Variants in CAPZA1 observed in about 807,000 individuals in gnomAD.
CAPZA1 encodes F-actin-capping protein subunit alpha-1.
In CAPZA1, 10 loss-of-function variants were observed where a neutral mutation model predicts 40.8. That is an observed-to-expected ratio of 0.25 (90% CI 0.15 to 0.42). CAPZA1 has a LOEUF of 0.42. Among genes scored for constraint, CAPZA1 ranks in the 10% least tolerant of loss-of-function variants. The pLI is 1.00. For synonymous variants in CAPZA1, 98 were observed against 115.0 expected, an observed-to-expected ratio of 0.85 and a Z score of 0.95; for missense variants, 277 against 353.8, an observed-to-expected ratio of 0.78 and a Z score of 1.74.
chr1:112,669,895 G>A (rs1671796891), intron 9 of CAPZA1, 97 bp from the exon 10 acceptor site: 4 of 1,319,104 alleles, frequency 3.0e-6, no homozygotes, highest in Non-Finnish European at 4.3e-6. Flanking sequence ...ATCCTTCACA[G>A]GGGACTCAAG....
At chr1:112,648,963 C>CAAAAA (rs34641909) in intron 2 of CAPZA1, among the ~76,000 whole-genome samples, 4 of 132,806 alleles carry the variant, frequency 3.0e-5, no homozygotes, top group African/African-American at 1.1e-4. Context: ...GACTTCGTCT[C>CAAAAA]AAAAAAAAAA....
intron 1 of CAPZA1, among the ~76,000 whole-genome samples, chr1:112,632,696 A>G (rs1033467157): frequency 1.3e-5 from 2 of 152,240 alleles, no homozygotes; most frequent in Non-Finnish European, 2.9e-5. Context: ...TGTTTAAGAC[A>G]TACCAGAAAA....
intron 1 of CAPZA1, among the ~76,000 whole-genome samples, chr1:112,641,559 A>AT (rs201301514): frequency 1.3e-4 from 19 of 150,308 alleles, no homozygotes; most frequent in South Asian, 8.4e-4. Context: ...TAAAAACTGA[A>AT]TTTTTTTTTT....
At chr1:112,624,021 G>A (rs55718535) in intron 1 of CAPZA1, among the ~76,000 whole-genome samples, 98,108 of 128,470 alleles carry the variant, frequency 0.76, 37,661 homozygotes, top group South Asian at 0.87. Flanking sequence ...AAAAAAAAAA[G>A]AAAAAAGAAA....
intron 3 of CAPZA1, among the ~76,000 whole-genome samples, chr1:112,651,833 T>C (rs1276091497): frequency 6.6e-6 from 1 of 152,140 alleles, no homozygotes; most frequent in African/African-American, 2.4e-5. Flanking sequence ...TAATAACTTT[T>C]GGCTGGGTGT....
At chr1:112,659,630 A>C in intron 6 of CAPZA1, 71 bp from the exon 7 acceptor site, 1 of 1,137,074 alleles carries the variant, frequency 8.8e-7, no homozygotes, top group Non-Finnish European at 1.3e-6. Context: ...CAACTTCTGT[A>C]CCTCAGTGGC....
chr1:112,621,625 G>T (rs911680482), intron 1 of CAPZA1, among the ~76,000 whole-genome samples: 10 of 152,102 alleles, frequency 6.6e-5, no homozygotes, highest in African/African-American at 2.4e-4. Flanking sequence ...GACCAGTGTT[G>T]TTGGATTTTT....
chr1:112,669,870 TAATATATCCTGTCTATCCTTCACAGGG>T, intron 9 of CAPZA1, 95 bp from the exon 10 acceptor site: 1 of 1,083,778 alleles, frequency 9.2e-7, no homozygotes, highest in Non-Finnish European at 1.4e-6. Context: ...TCATTGAAAA[TAATATATCCTGTCTATCCTTCACAGGG>T]GACTCAAGCA....
At chr1:112,656,466 T>TTTTTTTTTTTTTTTTTTTTTTTTTTTC (rs1553180448) in intron 5 of CAPZA1, among the ~76,000 whole-genome samples, 1 of 94,336 alleles carries the variant, frequency 1.1e-5, no homozygotes, top group African/African-American at 4.0e-5. Flanking sequence ...TTTTTTTTTT[T>TTTTTTTTTTTTTTTTTTTTTTTTTTTC]AATGAGAATA....
At position 112,638,732 on chromosome 1, in the gene CAPZA1, C is replaced by T. The variant is rs575478794; in HGVS notation, c.40-8478C>T. ...GGTGGATCACCTGAGGTCAGGAGTTCGAGACCAGCCTGGCCAACATGGTGA... is the reference window on the plus strand; with the variant it reads ...GGTGGATCACCTGAGGTCAGGAGTTTGAGACCAGCCTGGCCAACATGGTGA... On this transcript the variant is annotated intron_variant, in intron 1 of 9. Coordinates refer to ENST00000263168, the MANE Select transcript of CAPZA1 (RefSeq NM_006135.3). Among the ~76,000 whole-genome samples, 41 of 151,598 alleles carry T rather than the reference C, an allele frequency of 2.7e-4. No individual in the cohort carries two copies. The South Asian group carries it at 7.7e-3, about 28-fold the overall frequency.
intron 4 of CAPZA1, 85 bp downstream of exon 4, chr1:112,653,746 T>C: frequency 1.1e-6 from 1 of 900,638 alleles, no homozygotes; most frequent in East Asian, 2.5e-5. Context: ...CTGAACCAGG[T>C]GCTGAATAAA....
At chr1:112,648,518 A>C (rs1203528656) in intron 2 of CAPZA1, among the ~76,000 whole-genome samples, 1 of 151,596 alleles carries the variant, frequency 6.6e-6, no homozygotes, top group Non-Finnish European at 1.5e-5. Context: ...GGGTTTCACC[A>C]TGTTGGCCAG....
intron 8 of CAPZA1, among the ~76,000 whole-genome samples, chr1:112,668,344 A>G (rs1218416582): frequency 6.6e-6 from 1 of 152,150 alleles, no homozygotes; most frequent in Admixed American, 6.6e-5. Context: ...ATGATAACAA[A>G]CCCATTACTT....
intron 1 of CAPZA1, among the ~76,000 whole-genome samples, chr1:112,627,454 G>A (rs1454913556): frequency 6.6e-6 from 1 of 151,616 alleles, no homozygotes; most frequent in Non-Finnish European, 1.5e-5. Flanking sequence ...AGACCAGCCT[G>A]AGCAACATAG....
intron 8 of CAPZA1, among the ~76,000 whole-genome samples, chr1:112,667,883 CTTT>C (rs1671755174): frequency 3.9e-5 from 6 of 152,152 alleles, no homozygotes; most frequent in Admixed American, 2.0e-4. Flanking sequence ...TCTTGCATTT[CTTT>C]GATAGTCTCA....
chr1:112,654,609 G>A lies in CAPZA1; in HGVS notation c.364G>A (p.Glu122Lys), dbSNP rs778675866. Residue 122 changes from glutamate to lysine, a missense_variant, in exon 5 of 10, where the codon GAA (glutamate) becomes AAA (lysine). Physicochemically the swap from Glu to Lys is moderately conservative, Grantham distance 56 (BLOSUM62 1). This residue lies in a region of CAPZA1 where 192 missense variants were observed against 277.2 expected (regional missense o/e 0.69). Transcript: ENST00000263168. Reference protein sequence around the residue: ...EADGGLKSWRESCDSALRAYV... With the variant: ...EADGGLKSWRKSCDSALRAYV... ...AGATGGAGGTCTGAAGTCTTGGAGA[G>A]AATCCTGTGACAGTGCTTTAAGAGC... The A allele has an allele frequency of 8.7e-6, 14 of 1,614,008 alleles. 1 individual carries two copies. The South Asian group carries it at 1.1e-4, about 13-fold the overall frequency.
At chr1:112,661,728 T>A (rs1360408557) in intron 7 of CAPZA1, among the ~76,000 whole-genome samples, 9 of 152,214 alleles carry the variant, frequency 5.9e-5, no homozygotes. Flanking sequence ...AAACAGCCAT[T>A]TGTATTTTAG....
At chr1:112,640,880 G>T (rs1372361005) in intron 1 of CAPZA1, among the ~76,000 whole-genome samples, 1 of 152,262 alleles carries the variant, frequency 6.6e-6, no homozygotes, top group African/African-American at 2.4e-5. Flanking sequence ...TGTACTAAGA[G>T]AAGTTCTTCT....
At chr1:112,630,005 T>C (rs1557727027) in intron 1 of CAPZA1, among the ~76,000 whole-genome samples, 4 of 152,164 alleles carry the variant, frequency 2.6e-5, no homozygotes, top group African/African-American at 9.7e-5. Context: ...TACTACTGCT[T>C]TGGCAGTTTT....
Sources: allele counts gnomAD v4.1 joint callset (sites outside exome capture counted in the v4.1 genomes callset), GRCh38; gene constraint gnomAD v4.1.1; regional missense constraint gnomAD v4.1.1; transcripts MANE v1.5; gene names NCBI Gene and HGNC (gene_info 2026-07-23, HGNC 2026-07-21).